The following FAM149B1 variants were observed in gnomAD, a reference collection of about 807,000 sequenced individuals.
FAM149B1 encodes the protein family with sequence similarity 149 member B1.
In FAM149B1, 56 loss-of-function variants were observed where a neutral mutation model predicts 75.3. The ratio of observed to expected loss-of-function variants is 0.74; its 90% CI spans 0.60 to 0.93. The LOEUF (loss-of-function observed/expected upper bound fraction) is 0.93. Ranked by LOEUF, FAM149B1 falls within the 40% of genes least tolerant of loss-of-function variation. The pLI is 0.00. For synonymous variants in FAM149B1, 259 were observed against 256.1 expected (o/e 1.01, Z -0.11); for missense variants, 639 against 708.4 (o/e 0.90, Z 1.11).
chr10:73,198,176 C>T (rs2042852491), intron 5 of FAM149B1, among the ~76,000 whole-genome samples: 1 of 152,128 alleles, frequency 6.6e-6, no homozygotes, highest in African/African-American at 2.4e-5. Flanking sequence ...GAAGTTGGAC[C>T]CTTACTTATA....
At chr10:73,213,226 A>G (rs918082465) in intron 7 of FAM149B1, among the ~76,000 whole-genome samples, 5 of 152,152 alleles carry the variant, frequency 3.3e-5, no homozygotes, top group African/African-American at 1.2e-4. Flanking sequence ...GATTCTGGAT[A>G]TTAGTCCTTT....
Position 73,230,485 on chromosome 10 carries a change from C to A in FAM149B1, c.1087C>A (p.Pro363Thr), listed in dbSNP as rs200156581. 5.8e-6 allele frequency: 9 copies of A among 1,547,658 alleles called. No homozygotes were observed. In the Admixed American group the frequency reaches 1.8e-4, roughly 30 times the overall value. ...GAATGATCTCTTGGTTCATGGAATG[C>A]CTCTACAGCCAAGAAATCTCTCCCT... Reference protein sequence around the residue: ...NVNDLLVHGMPLQPRNLSLMD... With the variant: ...NVNDLLVHGMTLQPRNLSLMD... Residue 363 changes from proline to threonine, a missense_variant, in exon 9 of 14, where the codon CCT (proline) becomes ACT (threonine). Pro to Thr is a conservative substitution (Grantham distance 38, BLOSUM62 -1). Coordinates refer to ENST00000242505, the MANE Select transcript of FAM149B1 (RefSeq NM_173348.2).
At chr10:73,192,828 G>T in intron 4 of FAM149B1, 130 bp downstream of exon 4, 1 of 828,172 alleles carries the variant, frequency 1.2e-6, no homozygotes. Context: ...AGGCCATGTG[G>T]TATAAAGCCT....
chr10:73,204,771 CTTTTTTTT>C (rs772508767), intron 5 of FAM149B1, among the ~76,000 whole-genome samples: 1 of 92,952 alleles, frequency 1.1e-5, no homozygotes, highest in South Asian at 3.4e-4. Context: ...TGTGATTATT[CTTTTTTTT>C]TTTTTTTTTT....
chr10:73,219,864 A>G (rs766750341), intron 7 of FAM149B1, among the ~76,000 whole-genome samples: 157 of 152,258 alleles, frequency 1.0e-3, no homozygotes, highest in Middle Eastern at 6.8e-3. Flanking sequence ...TTCTTTAGAT[A>G]TGACACCAAA....
In FAM149B1 at chr10:73,243,318, A is replaced by C; in HGVS notation, c.*2299A>C. 7 of 1,517,844 alleles carry C rather than the reference A, an allele frequency of 4.6e-6. No homozygotes were observed. The South Asian group carries it at 8.2e-5, about 18-fold the overall frequency. The allele number at this position is 1,517,844 out of a possible 1,614,324, so 94.0% of individuals were successfully genotyped here. ...ACACCTTTTCTCAAGAGCTGAATTG[A>C]CTTTTGCCTTCAAATCCTGCCTGCA... is the stretch of plus-strand genomic sequence containing the variant. On this transcript the variant is annotated 3_prime_UTR_variant, in exon 14 of 14. Transcript: ENST00000242505.
At chr10:73,226,592 C>G (rs2043556222) in intron 7 of FAM149B1, among the ~76,000 whole-genome samples, 2 of 152,192 alleles carry the variant, frequency 1.3e-5, no homozygotes. Context: ...TGGCTAGTTG[C>G]TTAACTTCTT....
At chr10:73,228,710 G>C (rs779174304) in intron 8 of FAM149B1, among the ~76,000 whole-genome samples, 26 of 152,142 alleles carry the variant, frequency 1.7e-4, no homozygotes, top group Admixed American at 2.6e-4. Flanking sequence ...CAGTTCTTGT[G>C]CCTCAGCCCC....
Position 73,201,104 on chromosome 10 carries a change from T to C in FAM149B1, c.542+7511T>C, listed in dbSNP as rs571391230. 268 of 279,340 alleles carry C rather than the reference T, an allele frequency of 9.6e-4. 1 individual carries two copies. The highest frequency in any genetic ancestry group is 1.7e-3 in the Non-Finnish European group (230 of 138,312). The allele number at this position is 279,340 out of a possible 1,614,324, so 17.3% of individuals were successfully genotyped here. A position where few individuals can be genotyped will look rare whatever the true frequency, so the allele number is the denominator to read the frequency against. ...CGCAGAATTGGCAGAGGGGTCAATT[T>C]GGTAGAAAAGGTGTGGCTAAAAACT... On this transcript the variant is annotated intron_variant, in intron 5 of 13. Transcript: ENST00000242505.
chr10:73,202,148 G>A (rs2133353738), intron 5 of FAM149B1, among the ~76,000 whole-genome samples: 1 of 152,278 alleles, frequency 6.6e-6, no homozygotes, highest in South Asian at 2.1e-4. Flanking sequence ...CTGGGCGACA[G>A]AGCGAGACTC....
chr10:73,180,860 T>C (rs370077908), intron 3 of FAM149B1, among the ~76,000 whole-genome samples: 1 of 152,144 alleles, frequency 6.6e-6, no homozygotes, highest in Non-Finnish European at 1.5e-5. Context: ...TCATTCTTTC[T>C]GTTTTTTTTG....
chr10:73,240,488 G>A (rs535143049), intron 13 of FAM149B1, among the ~76,000 whole-genome samples: 102 of 152,264 alleles, frequency 6.7e-4, no homozygotes, highest in Non-Finnish European at 1.1e-3. Context: ...CAAGGCGGGC[G>A]GATCACGAGG....
chr10:73,231,529 G>C (rs1304931616), intron 9 of FAM149B1, among the ~76,000 whole-genome samples: 2 of 152,214 alleles, frequency 1.3e-5, no homozygotes, highest in African/African-American at 4.8e-5. Context: ...TAAATGGATG[G>C]AGTGGAAGGA....
At chr10:73,199,197 TTTGTTG>T (rs3998310) in intron 5 of FAM149B1, among the ~76,000 whole-genome samples, 127 of 146,560 alleles carry the variant, frequency 8.7e-4, no homozygotes, top group East Asian at 3.0e-3. Context: ...GTTATCCTTT[TTTGTTG>T]TTGTTGTTGT....
chr10:73,174,421 AT>A (rs959504306), intron 1 of FAM149B1, among the ~76,000 whole-genome samples: 5 of 152,010 alleles, frequency 3.3e-5, no homozygotes, highest in African/African-American at 1.2e-4. Flanking sequence ...TTAAGAATAT[AT>A]TTTAACAACC....
intron 12 of FAM149B1, among the ~76,000 whole-genome samples, chr10:73,236,579 A>G (rs187712019): frequency 6.6e-6 from 1 of 151,612 alleles, no homozygotes; most frequent in African/African-American, 2.4e-5. Context: ...ACGCCCAGCT[A>G]ATTTTTGTAA....
chr10:73,243,763 A>G lies in FAM149B1; in HGVS notation c.*2744A>G. On this transcript the variant is annotated 3_prime_UTR_variant, in exon 14 of 14. Transcript: ENST00000242505. ...TGCGGTTATGTCTTAAAAGAAGAAA[A>G]CAAAATACAACATTCCAAAGAAAAT... is the stretch of plus-strand genomic sequence containing the variant. The G allele has an allele frequency of 2.2e-6, 3 of 1,370,392 alleles. No individual in the cohort carries two copies. The highest frequency in any genetic ancestry group is 2.0e-6 in the Non-Finnish European group (2 of 979,308). 84.9% of individuals were successfully genotyped at this position (1,370,392 alleles called of 1,614,324 possible).
chr10:73,169,643 T>G (rs1039895207), intron 1 of FAM149B1, among the ~76,000 whole-genome samples: 40 of 152,162 alleles, frequency 2.6e-4, no homozygotes, highest in African/African-American at 8.4e-4. Context: ...AATTTTTTTT[T>G]GGTAGAGACA....
chr10:73,170,146 T>G (rs886973092), intron 1 of FAM149B1, among the ~76,000 whole-genome samples: 4 of 152,166 alleles, frequency 2.6e-5, no homozygotes, highest in African/African-American at 9.6e-5. Flanking sequence ...CACGTGACTT[T>G]TAGGCAAATT....
Sources: gnomAD v4.1 joint callset for allele counts (sites outside exome capture counted in the v4.1 genomes callset) on GRCh38, gnomAD v4.1.1 for gene constraint, MANE v1.5 for transcripts, NCBI Gene and HGNC (gene_info 2026-07-23, HGNC 2026-07-21) for gene names.